Variants in CACNA1E observed in about 807,000 individuals in gnomAD.
The protein encoded by CACNA1E is voltage-dependent R-type calcium channel subunit alpha-1E.
Under a neutral mutation model 259.2 loss-of-function variants are expected in CACNA1E, and 40 were observed. The observed-to-expected ratio is 0.15, with a 90% CI of 0.12 to 0.20. CACNA1E has a LOEUF of 0.20. CACNA1E is among the 10% of genes least tolerant of loss of function. CACNA1E has a pLI of 1.00. For missense variants in CACNA1E, 1,874 were observed against 3,040.1 expected (o/e 0.62, Z 9.02); for synonymous variants, 1,104 against 1,138.5 (o/e 0.97, Z 0.61).
chr1:181,565,000 G>A (rs1649678554), intron 3 of CACNA1E, among the ~76,000 whole-genome samples: 1 of 152,082 alleles, frequency 6.6e-6, no homozygotes. Flanking sequence ...TAGAGCACAG[G>A]CAGAGTAGAT....
intron 2 of CACNA1E, among the ~76,000 whole-genome samples, chr1:181,414,085 C>T (rs952923210): frequency 1.3e-5 from 2 of 152,198 alleles, no homozygotes; most frequent in African/African-American, 4.8e-5. Context: ...TTTATTTCTG[C>T]TCTGTTTGTG....
At chr1:181,609,557 C>T (rs1654550431) in intron 6 of CACNA1E, among the ~76,000 whole-genome samples, 2 of 152,102 alleles carry the variant, frequency 1.3e-5, no homozygotes, top group Admixed American at 6.5e-5. Context: ...AAAAGGCACA[C>T]CGGTTTCAGT....
At chr1:181,624,851 G>A (rs1656039289) in intron 6 of CACNA1E, among the ~76,000 whole-genome samples, 1 of 152,146 alleles carries the variant, frequency 6.6e-6, no homozygotes, top group Non-Finnish European at 1.5e-5. Context: ...ATCCATTAGA[G>A]GAATCACTAT....
intron 35 of CACNA1E, among the ~76,000 whole-genome samples, chr1:181,768,276 C>T (rs987336635): frequency 4.0e-5 from 6 of 151,834 alleles, no homozygotes; most frequent in East Asian, 1.9e-4. Flanking sequence ...GTGTACAAGA[C>T]GCTGTACTAA....
At chr1:181,395,300 G>A (rs778747985) in intron 1 of CACNA1E, among the ~76,000 whole-genome samples, 31 of 152,158 alleles carry the variant, frequency 2.0e-4, no homozygotes, top group Non-Finnish European at 1.5e-4. Flanking sequence ...GGACAGAGCT[G>A]CCGTCAATTC....
intron 6 of CACNA1E, among the ~76,000 whole-genome samples, chr1:181,615,241 A>G (rs1655100307): frequency 6.6e-6 from 1 of 152,114 alleles, no homozygotes; most frequent in South Asian, 2.1e-4. Context: ...CCCAGGCTGG[A>G]GTGCAGTGGT....
chr1:181,794,365 C>T (rs1661600250), intron 45 of CACNA1E, among the ~76,000 whole-genome samples: 1 of 152,124 alleles, frequency 6.6e-6, no homozygotes, highest in African/African-American at 2.4e-5. Context: ...GAGAGTGATA[C>T]ATTCTTAGCA....
intron 1 of CACNA1E, among the ~76,000 whole-genome samples, chr1:181,393,015 T>C (rs1656404498): frequency 1.3e-5 from 2 of 152,316 alleles, no homozygotes; most frequent in South Asian, 4.1e-4. Context: ...CAGATATCTG[T>C]GTTGGAAGTT....
rs1651437378 is a variant in CACNA1E at position 181,580,779 on chromosome 1, G to A, written c.951+3G>A. On this transcript the variant is annotated splice_donor_region_variant and intron_variant, in intron 6 of 47. Coordinates refer to ENST00000367573, the MANE Select transcript of CACNA1E (RefSeq NM_001205293.3). ...GGTGGACCACTGTGCTGTACAATGT[G>A]AGTAGAGCTGGTGGGGACCTGGAAG... 6.2e-7 allele frequency: 1 copy of A among 1,613,410 alleles called. No individual in the cohort carries two copies.
At position 181,641,696 on chromosome 1, in the gene CACNA1E, A is replaced by ATTTTT. The variant is rs1369217611; in HGVS notation, c.952-9640_952-9636dup. ...CAAATGAGATCATGAGGCAACACTAATTTTTTGTTTTTTTTTTTTTTTTTT... is the reference window on the plus strand; with the variant it reads ...CAAATGAGATCATGAGGCAACACTAATTTTTTTTTTTGTTTTTTTTTTTTTTTTTT... On this transcript the variant is annotated intron_variant, in intron 6 of 47. Transcript: ENST00000367573. 1.6e-3 allele frequency among the ~76,000 whole-genome samples: 167 copies of ATTTTT among 104,004 alleles called. 6 individuals are homozygous for ATTTTT. The highest frequency in any genetic ancestry group is 4.4e-3 in the African/African-American group (110 of 24,732). 68.2% of individuals were successfully genotyped at this position (104,004 alleles called of 152,430 possible).
intron 3 of CACNA1E, among the ~76,000 whole-genome samples, chr1:181,552,705 A>C (rs1164326168): frequency 6.6e-6 from 1 of 152,190 alleles, no homozygotes; most frequent in African/African-American, 2.4e-5. Flanking sequence ...GGTTTGTTAC[A>C]TAGGTATACG....
At position 181,519,178 on chromosome 1, in the gene CACNA1E, G is replaced by A. The variant is rs771956727; in HGVS notation, c.512+7668G>A. 1.1e-4 allele frequency among the ~76,000 whole-genome samples: 17 copies of A among 152,286 alleles called. 1 individual carries two copies. In the East Asian group the frequency reaches 1.2e-3, roughly 10 times the overall value. Reference sequence around the variant, plus strand: ...GCAGAGGTGGATATGGCATAAATGCGAACTCTATAGATTTACAAGAATTGA... The same window carrying A: ...GCAGAGGTGGATATGGCATAAATGCAAACTCTATAGATTTACAAGAATTGA... On this transcript the variant is annotated intron_variant, in intron 3 of 47. Transcript: ENST00000367573.
chr1:181,389,356 C>T (rs1222124277), intron 1 of CACNA1E, among the ~76,000 whole-genome samples: 3 of 152,188 alleles, frequency 2.0e-5, no homozygotes, highest in African/African-American at 7.2e-5. Flanking sequence ...AAGGAGACTT[C>T]GTGTTACCTG....
At chr1:181,608,569 A>G (rs1438870216) in intron 6 of CACNA1E, among the ~76,000 whole-genome samples, 1 of 152,102 alleles carries the variant, frequency 6.6e-6, no homozygotes, top group Non-Finnish European at 1.5e-5. Flanking sequence ...CACTGTTGTG[A>G]CCACCGGTGA....
chr1:181,717,314 C>G lies in CACNA1E; in HGVS notation c.1525+12C>G. 1.2e-6 allele frequency: 2 copies of G among 1,609,010 alleles called. No individual in the cohort carries two copies. Among genetic ancestry groups the G allele is most frequent in the South Asian group, 1.1e-5 (1 of 90,958 alleles). ...CACCCACCTCCTCTGTAAGTAAAGC[C>G]TCTCTCTAAAGCCTCCTCTGCTGGT... On this transcript the variant is annotated intron_variant, in intron 11 of 47. Coordinates refer to ENST00000367573, the MANE Select transcript of CACNA1E (RefSeq NM_001205293.3).
rs976031330 is a variant in CACNA1E at position 181,732,207 on chromosome 1, G to A, written c.2298-177G>A. On this transcript the variant is annotated intron_variant, in intron 19 of 47. Coordinates refer to ENST00000367573, the MANE Select transcript of CACNA1E (RefSeq NM_001205293.3). This position sits in a 1 kb window ranked among gnomAD's most constrained non-coding sequence, Gnocchi z 5.5. ...GGGCTGGGAGGCACCTGCCTGATGA[G>A]CTCCTCACGTGTGGCCCGCCTGCTC... Among the ~76,000 whole-genome samples the A allele has an allele frequency of 1.3e-5, 2 of 152,148 alleles. No homozygotes were observed. The highest frequency in any genetic ancestry group is 4.8e-5 in the African/African-American group (2 of 41,440).
upstream of CACNA1E, among the ~76,000 whole-genome samples, chr1:181,480,699 G>A (rs76614918): frequency 2.3e-3 from 352 of 152,292 alleles, no homozygotes; most frequent in African/African-American, 8.1e-3. Flanking sequence ...AAGGTATGCC[G>A]CCAGCCTGCT....
chr1:181,502,070 A>T (rs532394803), intron 1 of CACNA1E, among the ~76,000 whole-genome samples: 6 of 152,098 alleles, frequency 3.9e-5, no homozygotes, highest in African/African-American at 1.4e-4. Context: ...TTGACAGTGC[A>T]TGTCTCCTGC....
intron 1 of CACNA1E, among the ~76,000 whole-genome samples, chr1:181,373,623 C>T (rs35418079): frequency 2.0e-5 from 3 of 150,920 alleles, no homozygotes; most frequent in African/African-American, 4.9e-5. Flanking sequence ...CTGCAAGCTC[C>T]GCCTCCCGGG....
Sources: gnomAD v4.1 joint callset for allele counts (sites outside exome capture counted in the v4.1 genomes callset) on GRCh38, gnomAD v4.1.1 for gene constraint, Gnocchi (gnomAD v3.1) non-coding constraint, MANE v1.5 for transcripts, NCBI Gene and HGNC (gene_info 2026-07-23, HGNC 2026-07-21) for gene names.